The following ZSCAN1 variants were observed in gnomAD, a reference collection of about 807,000 sequenced individuals.
ZSCAN1 encodes the protein zinc finger and SCAN domain containing 1, also known as zinc finger and SCAN domain-containing protein 1.
ZSCAN1 carries 23 observed loss-of-function variants against 23.8 expected under a neutral mutation model. The observed-to-expected ratio is 0.97, with a 90% CI of 0.70 to 1.37. The LOEUF is 1.37. Among genes scored for constraint, ZSCAN1 ranks in the 40% most tolerant of loss-of-function variants. ZSCAN1 has a pLI of 0.00. For missense variants in ZSCAN1, 575 were observed against 554.0 expected (o/e 1.04, Z -0.38); for synonymous variants, 236 against 232.3 (o/e 1.02, Z -0.15).
Position 58,049,509 on chromosome 19 carries a change from T to C in ZSCAN1, c.466-2981T>C, listed in dbSNP as rs1409250013. Among the ~76,000 whole-genome samples, 3 of 152,218 alleles carry C rather than the reference T, an allele frequency of 2.0e-5. No individual in the cohort carries two copies. Among genetic ancestry groups the C allele is most frequent in the Non-Finnish European group, 4.4e-5 (3 of 68,048 alleles). ...TTCAGGGTCAGGCAGCAGCTTATGCTACGGAGTTGGATTTCAAATGGTGGT... is the reference window on the plus strand; with the variant it reads ...TTCAGGGTCAGGCAGCAGCTTATGCCACGGAGTTGGATTTCAAATGGTGGT... On this transcript the variant is annotated intron_variant, in intron 4 of 5. Transcript: ENST00000282326. This position sits in a 1 kb window ranked among gnomAD's most constrained non-coding sequence, Gnocchi z 4.5.
chr19:58,035,486 T>A (rs2073728246), intron 1 of ZSCAN1: 1 of 152,218 alleles, frequency 6.6e-6, no homozygotes, highest in Non-Finnish European at 1.5e-5. Context: ...ACAGCCCCCC[T>A]CCCTAGAGTC....
intron 4 of ZSCAN1, among the ~76,000 whole-genome samples, chr19:58,042,336 C>T (rs193064667): frequency 8.3e-4 from 126 of 151,782 alleles, no homozygotes; most frequent in African/African-American, 2.9e-3. Flanking sequence ...CGGCTCACTG[C>T]AAGCTCTGCC....
chr19:58,046,535 A>G (rs375123637), intron 4 of ZSCAN1: 21 of 911,194 alleles, frequency 2.3e-5, no homozygotes, highest in East Asian at 1.7e-4. Context: ...AACGCCATGA[A>G]GCAAGTCAAG....
At chr19:58,042,128 A>AT (rs200442067) in intron 4 of ZSCAN1, among the ~76,000 whole-genome samples, 4,047 of 152,090 alleles carry the variant, frequency 0.027, 132 homozygotes, top group African/African-American at 0.073. Flanking sequence ...AAGTACATTG[A>AT]TTTTTTTTAT....
In ZSCAN1 at chr19:58,047,183, C is replaced by T. The variant is rs2073831842; in HGVS notation, c.466-5307C>T. On this transcript the variant is annotated intron_variant, in intron 4 of 5. Coordinates refer to ENST00000282326, the MANE Select transcript of ZSCAN1 (RefSeq NM_182572.4). The surrounding 1 kb of genome is among the most constrained non-coding windows in gnomAD (Gnocchi z 4.9). The stretch of plus-strand genomic sequence containing the variant: ...CCCTCAGAGGCGTCAGGAGACACAG[C>T]CTGGCCCCCTCAGGGCTGAAGATGC... Among the ~76,000 whole-genome samples the T allele has an allele frequency of 6.6e-6, 1 of 152,242 alleles. No homozygotes were observed. The highest frequency in any genetic ancestry group is 1.5e-5 in the Non-Finnish European group (1 of 68,046).
At chr19:58,046,460 G>C (rs1568604474) in intron 4 of ZSCAN1, 1 of 844,124 alleles carries the variant, frequency 1.2e-6, no homozygotes, top group East Asian at 2.4e-5. Flanking sequence ...CAGTGGGCCA[G>C]CAAGCTGGCC....
rs911862759 is a variant in ZSCAN1 at position 58,052,713 on chromosome 19, A to G, written c.604+85A>G. 1.1e-5 allele frequency: 17 copies of G among 1,501,974 alleles called. No homozygotes were observed. The South Asian group carries it at 2.3e-4, about 20-fold the overall frequency. 93.0% of individuals were successfully genotyped at this position (1,501,974 alleles called of 1,614,324 possible). ...AGCCACAGACTTTGTTAATGGGTTG[A>G]GTTGGGTGCTTCGGTGGTGAACTCC... On this transcript the variant is annotated intron_variant, in intron 5 of 5. Coordinates refer to ENST00000282326, the MANE Select transcript of ZSCAN1 (RefSeq NM_182572.4).
In ZSCAN1 at chr19:58,052,610, C is replaced by G. The variant is rs747307191; in HGVS notation, c.586C>G (p.Arg196Gly). 33 of 1,606,168 alleles carry G rather than the reference C, an allele frequency of 2.1e-5. No individual in the cohort carries two copies. The highest frequency in any genetic ancestry group is 2.7e-5 in the Non-Finnish European group (32 of 1,175,696). ...LHTRAEAEAP[R>G]APGLLGSRAR... ...CACCAGGGCGGAGGCCGAAGCGCCC[C>G]GCGCCCCTGGCTTGCTGGGTGAGTC... Residue 196 changes from arginine to glycine, a missense_variant, in exon 5 of 6, where the codon CGC (arginine) becomes GGC (glycine). Physicochemically the swap from Arg to Gly is moderately radical, Grantham distance 125. Coordinates refer to ENST00000282326, the MANE Select transcript of ZSCAN1 (RefSeq NM_182572.4).
chr19:58,035,072 C>T (rs2123414510), intron 1 of ZSCAN1, among the ~76,000 whole-genome samples: 1 of 152,186 alleles, frequency 6.6e-6, no homozygotes, highest in East Asian at 2.0e-4. Flanking sequence ...GGCCCTTCCA[C>T]AGGCACTGAG....
chr19:58,045,052 G>C lies in ZSCAN1; in HGVS notation c.465+4508G>C. 8.9e-7 allele frequency: 1 copy of C among 1,120,240 alleles called. No individual in the cohort carries two copies. Among genetic ancestry groups the C allele is most frequent in the Non-Finnish European group, 1.4e-6 (1 of 734,142 alleles). 69.4% of individuals were successfully genotyped at this position (1,120,240 alleles called of 1,614,324 possible). A position where few individuals can be genotyped will look rare whatever the true frequency, so the allele number is the denominator to read the frequency against. ...GGTGGTGAAGTCCCGGGGGCAGAGA[G>C]GGTGCTGGGCGAGCTGAGGCACTAC... On this transcript the variant is annotated intron_variant, in intron 4 of 5. Transcript: ENST00000282326. This position sits in a 1 kb window ranked among gnomAD's most constrained non-coding sequence, Gnocchi z 4.3.
chr19:58,040,340 CAG>C lies in ZSCAN1; in HGVS notation c.371-109_371-108del. 2.6e-6 allele frequency: 3 copies of C among 1,141,992 alleles called. No individual in the cohort carries two copies. Among genetic ancestry groups the C allele is most frequent in the South Asian group, 1.4e-5 (1 of 73,714 alleles). 70.7% of individuals were successfully genotyped at this position (1,141,992 alleles called of 1,614,324 possible). ...CCTGCAGCCACTCTTGCCTGCGCCT[CAG>C]GGGTGCTGCAGGGATGTTCGGGGAA... On this transcript the variant is annotated intron_variant, in intron 3 of 5. Transcript: ENST00000282326. The surrounding 1 kb of genome is among the most constrained non-coding windows in gnomAD (Gnocchi z 5.8).
In ZSCAN1 at chr19:58,045,499, T is replaced by A; in HGVS notation, c.465+4955T>A. The A allele has an allele frequency of 7.2e-7, 1 of 1,383,298 alleles. No individual in the cohort carries two copies. Among genetic ancestry groups the A allele is most frequent in the Non-Finnish European group, 1.0e-6 (1 of 969,656 alleles). The allele number at this position is 1,383,298 out of a possible 1,614,324, so 85.7% of individuals were successfully genotyped here. A position where few individuals can be genotyped will look rare whatever the true frequency, so the allele number is the denominator to read the frequency against. ...GAGAGGCCCAGCAATGAGGAAATCA[T>A]GGGTTTTTCCAAATTATTTGAGGAT... On this transcript the variant is annotated intron_variant, in intron 4 of 5. Transcript: ENST00000282326. This position sits in a 1 kb window ranked among gnomAD's most constrained non-coding sequence, Gnocchi z 4.3.
At chr19:58,038,978 G>A (rs1374013324) in intron 3 of ZSCAN1, among the ~76,000 whole-genome samples, 1 of 152,248 alleles carries the variant, frequency 6.6e-6, no homozygotes, top group Non-Finnish European at 1.5e-5. Context: ...GAGTGAGAAG[G>A]GTTGCATCAG....
At chr19:58,055,287 C>T (rs947285695), downstream of ZSCAN1, among the ~76,000 whole-genome samples, 8 of 152,172 alleles carry the variant, frequency 5.3e-5, no homozygotes, top group African/African-American at 1.9e-4. Flanking sequence ...ATGGCCCTCT[C>T]GGGCTGTGCA....
At chr19:58,056,264 C>T (rs1005546555), downstream of ZSCAN1, among the ~76,000 whole-genome samples, 7 of 152,222 alleles carry the variant, frequency 4.6e-5, no homozygotes, top group African/African-American at 7.2e-5. Context: ...GGCCCTGCTG[C>T]CTCCACAGCC....
intron 2 of ZSCAN1, among the ~76,000 whole-genome samples, chr19:58,037,407 G>A (rs1337500411): frequency 7.0e-6 from 1 of 143,196 alleles, no homozygotes; most frequent in Non-Finnish European, 1.5e-5. Flanking sequence ...GAAAAGTTGT[G>A]TTCAGAAAGT....
chr19:58,054,039 C>G lies in ZSCAN1; in HGVS notation c.1215C>G (p.His405Gln). The change falls in exon 6 of 6, where the codon CAC becomes CAG. Residue 405 changes from histidine to glutamine, a missense_variant. Transcript: ENST00000282326. The surrounding 1 kb of genome is among the most constrained non-coding windows in gnomAD (Gnocchi z 4.2). ...ACCACCAGAAGCTCCACACGGCCCACGGCCACATGTGAATGGCCAGCCTCG... is the reference window on the plus strand; with the variant it reads ...ACCACCAGAAGCTCCACACGGCCCAGGGCCACATGTGAATGGCCAGCCTCG... Reference protein sequence around the residue: ...LIDHQKLHTAHGHM With the variant: ...LIDHQKLHTAQGHM 2.0e-6 allele frequency: 3 copies of G among 1,517,634 alleles called. No individual in the cohort carries two copies. Among genetic ancestry groups the G allele is most frequent in the Non-Finnish European group, 2.6e-6 (3 of 1,133,362 alleles). 94.0% of individuals were successfully genotyped at this position (1,517,634 alleles called of 1,614,324 possible).
At chr19:58,050,826 CTTGTT>C (rs1049470993) in intron 4 of ZSCAN1, among the ~76,000 whole-genome samples, 1 of 152,104 alleles carries the variant, frequency 6.6e-6, no homozygotes, top group African/African-American at 2.4e-5. Context: ...GCCCCTTATT[CTTGTT>C]TTCTTTTTCT....
At chr19:58,044,671 T>C in intron 4 of ZSCAN1, 2 of 810,022 alleles carry the variant, frequency 2.5e-6, no homozygotes, top group East Asian at 2.8e-5. Context: ...CCCCGCGGGG[T>C]AGTCCGGGGG....
Sources: allele counts gnomAD v4.1 joint callset (sites outside exome capture counted in the v4.1 genomes callset), GRCh38; gene constraint gnomAD v4.1.1; non-coding constraint Gnocchi (gnomAD v3.1); transcripts MANE v1.5; gene names NCBI Gene and HGNC (gene_info 2026-07-23, HGNC 2026-07-21).